Variants in EXOC2 observed in about 807,000 individuals in gnomAD.
The protein encoded by EXOC2 is SEC5-like 1.
A neutral mutation model predicts 131.8 loss-of-function variants in EXOC2; 70 were observed. That is an observed-to-expected ratio of 0.53 (90% CI 0.44 to 0.65). The LOEUF is 0.65. EXOC2 is among the 30% of genes least tolerant of loss of function. The pLI is 0.00. For synonymous variants in EXOC2, 411 were observed against 398.4 expected, an observed-to-expected ratio of 1.03 and a Z score of -0.38; for missense variants, 923 against 1,108.6, an observed-to-expected ratio of 0.83 and a Z score of 2.38.
intron 1 of EXOC2, chr6:656,643 T>C: frequency 6.2e-7 from 1 of 1,607,470 alleles, no homozygotes; most frequent in Non-Finnish European, 8.5e-7. Context: ...CAGCTGCAGC[T>C]TCAGGGAGGA....
At chr6:555,831 A>C (rs1276987832) in intron 19 of EXOC2, 123 bp downstream of exon 19, 1 of 981,438 alleles carries the variant, frequency 1.0e-6, no homozygotes. Context: ...TATTATGTAC[A>C]CAGACAAGAT....
At chr6:662,010 T>C (rs544101592) in intron 1 of EXOC2, among the ~76,000 whole-genome samples, 25 of 152,328 alleles carry the variant, frequency 1.6e-4, no homozygotes, top group African/African-American at 6.0e-4. Context: ...GCTATTCTTA[T>C]ATCAGACAAA....
At chr6:539,963 T>C (rs989997313) in intron 22 of EXOC2, among the ~76,000 whole-genome samples, 2 of 152,192 alleles carry the variant, frequency 1.3e-5, no homozygotes, top group Admixed American at 1.3e-4. Context: ...TAACTAATTT[T>C]AAAAAACCTC....
chr6:565,110 A>G (rs1757905119), intron 13 of EXOC2, among the ~76,000 whole-genome samples, 181 bp from the exon 14 acceptor site: 1 of 152,198 alleles, frequency 6.6e-6, no homozygotes, highest in African/African-American at 2.4e-5. Flanking sequence ...TCTTATCCCA[A>G]TGAGAAGTTA....
intron 11 of EXOC2, among the ~76,000 whole-genome samples, chr6:580,053 T>TA (rs1414899324): frequency 2.0e-5 from 3 of 151,600 alleles, no homozygotes; most frequent in Admixed American, 6.6e-5. Flanking sequence ...TTTTTGTTTT[T>TA]TTTTTTGAGA....
intron 23 of EXOC2, among the ~76,000 whole-genome samples, chr6:513,415 A>T (rs1020098562): frequency 6.6e-6 from 1 of 152,264 alleles, no homozygotes; most frequent in Admixed American, 6.5e-5. Context: ...AGAAGAAACG[A>T]AAGTCCAAGC....
chr6:655,629 C>T (rs1022588840), intron 1 of EXOC2, among the ~76,000 whole-genome samples: 4 of 152,162 alleles, frequency 2.6e-5, no homozygotes, highest in East Asian at 1.9e-4. Flanking sequence ...ATACAGAACA[C>T]GGCTTAACAA....
At chr6:487,657 A>G (rs538490890) in intron 27 of EXOC2, among the ~76,000 whole-genome samples, 1 of 152,210 alleles carries the variant, frequency 6.6e-6, no homozygotes, top group African/African-American at 2.4e-5. Context: ...CGCCCACCTC[A>G]GCCTCCCAAA....
intron 11 of EXOC2, among the ~76,000 whole-genome samples, chr6:584,294 T>C (rs530939591): frequency 1.3e-5 from 2 of 152,310 alleles, no homozygotes; most frequent in African/African-American, 4.8e-5. Context: ...TTAACCCCAA[T>C]AATATTTGTA....
In EXOC2 at chr6:677,849, C is replaced by T. The variant is rs1034645272; in HGVS notation, c.-44+15170G>A. Among the ~76,000 whole-genome samples the T allele has an allele frequency of 6.6e-5, 10 of 152,176 alleles. No individual in the cohort carries two copies. The South Asian group carries it at 2.1e-3, about 32-fold the overall frequency. ...TCCTATGAGGATGGCTCATTAAATA[C>T]TTTGTCCAATACTCCACAACCAATA... On this transcript the variant is annotated intron_variant, in intron 1 of 27. Transcript: ENST00000230449.
intron 1 of EXOC2, among the ~76,000 whole-genome samples, chr6:657,859 G>T (rs1763211125): frequency 6.6e-6 from 1 of 151,590 alleles, no homozygotes; most frequent in African/African-American, 2.4e-5. Context: ...TTGATTTTAA[G>T]ATATCTAGCA....
At chr6:682,213 T>C (rs572876769) in intron 1 of EXOC2, among the ~76,000 whole-genome samples, 1 of 151,472 alleles carries the variant, frequency 6.6e-6, no homozygotes, top group Non-Finnish European at 1.5e-5. Context: ...TTTTTTTTTT[T>C]TTTTGAGACG....
In EXOC2 at chr6:553,854, T is replaced by A. The variant is rs374931157; in HGVS notation, c.2121A>T (p.Ser707=). 5.0e-6 allele frequency: 8 copies of A among 1,612,880 alleles called. No homozygotes were observed. Among genetic ancestry groups the A allele is most frequent in the Non-Finnish European group, 6.8e-6 (8 of 1,179,030 alleles). Residue 707 remains serine (S), a splice_region_variant and synonymous_variant, in exon 21 of 28, where the codon TCA becomes TCT. Coordinates refer to ENST00000230449, the MANE Select transcript of EXOC2 (RefSeq NM_018303.6). ...GSIHEDFSLT[S]EQRLLIVLSN... ...ACTTTCTAGTTATCGTCTGACTTAC[T>A]GAGGTCAAGCTGAAGTCTTCATGGA...
At chr6:642,585 A>C (rs546191624) in intron 1 of EXOC2, among the ~76,000 whole-genome samples, 1 of 152,382 alleles carries the variant, frequency 6.6e-6, no homozygotes, top group African/African-American at 2.4e-5. Flanking sequence ...CAGAAGAATT[A>C]GTAGATAAGA....
intron 23 of EXOC2, among the ~76,000 whole-genome samples, chr6:529,566 G>T (rs1029996052): frequency 6.6e-6 from 1 of 152,084 alleles, no homozygotes; most frequent in Non-Finnish European, 1.5e-5. Flanking sequence ...AACTCAGAGG[G>T]GCTGTGTCAT....
chr6:606,367 G>GT (rs1760412104), intron 7 of EXOC2, among the ~76,000 whole-genome samples: 1 of 151,932 alleles, frequency 6.6e-6, no homozygotes, highest in Non-Finnish European at 1.5e-5. Flanking sequence ...GTATACACAT[G>GT]TAACAAACCT....
chr6:544,537 A>T (rs1156521722), intron 22 of EXOC2, among the ~76,000 whole-genome samples: 1 of 152,244 alleles, frequency 6.6e-6, no homozygotes, highest in East Asian at 1.9e-4. Flanking sequence ...GCCTGTAAAC[A>T]AAATTTAGCT....
intron 6 of EXOC2, among the ~76,000 whole-genome samples, chr6:610,834 C>T (rs1048946173): frequency 6.6e-6 from 1 of 152,128 alleles, no homozygotes. Flanking sequence ...CTGTAAGCCA[C>T]CTCAAATTTT....
chr6:646,689 C>G lies in EXOC2; in HGVS notation c.-43-8828G>C, dbSNP rs77770823. 2.6e-5 allele frequency among the ~76,000 whole-genome samples: 4 copies of G among 152,084 alleles called. No individual in the cohort carries two copies. The East Asian group carries it at 7.7e-4, about 29-fold the overall frequency. ...AATAAACTGATATTACATAAAGATA[C>G]TAGGTAATTTAATAGTTACGTTTAT... On this transcript the variant is annotated intron_variant, in intron 1 of 27. Transcript: ENST00000230449.
Sources: allele counts gnomAD v4.1 joint callset (sites outside exome capture counted in the v4.1 genomes callset), GRCh38; gene constraint gnomAD v4.1.1; transcripts MANE v1.5; gene names NCBI Gene and HGNC (gene_info 2026-07-23, HGNC 2026-07-21).